The following C10orf67 variants were observed in gnomAD, a reference collection of about 807,000 sequenced individuals.
The protein encoded by C10orf67 is uncharacterized protein C10orf67, mitochondrial.
Under a neutral mutation model 35.6 loss-of-function variants are expected in C10orf67, and 60 were observed. The observed-to-expected ratio is 1.68, with a 90% CI of 1.37 to 2.09. The LOEUF is 2.09. Ranked by LOEUF, C10orf67 falls within the 30% of genes most tolerant of loss-of-function variation. C10orf67 has a pLI of 0.00. For missense variants in C10orf67, 474 were observed against 330.2 expected (o/e 1.44, Z -3.38); for synonymous variants, 167 against 115.8 (o/e 1.44, Z -2.84).
chr10:23,236,256 A>G lies in C10orf67; in HGVS notation c.1434+3473T>C, dbSNP rs1427584791. Among the ~76,000 whole-genome samples, 16 of 35,026 alleles carry G rather than the reference A, an allele frequency of 4.6e-4. No individual in the cohort carries two copies. The South Asian group carries it at 7.1e-3, about 16-fold the overall frequency. 23.0% of individuals were successfully genotyped at this position (35,026 alleles called of 152,430 possible). ...AGAGCGAGACTCCCTCTCGGGGGAA[A>G]AAAAAAAAAAAAAAAAAAAAAAAAA... On this transcript the variant is annotated intron_variant, in intron 13 of 15. Coordinates refer to ENST00000636213, the MANE Select transcript of C10orf67 (RefSeq NM_001371909.1).
Position 23,236,253 on chromosome 10 carries a change from G to GAAAAAAA in C10orf67, c.1434+3469_1434+3475dup, listed in dbSNP as rs368833212. Among the ~76,000 whole-genome samples, 124 of 75,786 alleles carry GAAAAAAA rather than the reference G, an allele frequency of 1.6e-3. 4 individuals are homozygous for GAAAAAAA. The highest frequency in any genetic ancestry group is 6.9e-3 in the African/African-American group (115 of 16,680). 49.7% of individuals were successfully genotyped at this position (75,786 alleles called of 152,430 possible). A position where few individuals can be genotyped will look rare whatever the true frequency, so the allele number is the denominator to read the frequency against. ...GACAGAGCGAGACTCCCTCTCGGGGGAAAAAAAAAAAAAAAAAAAAAAAAA... is the reference window on the plus strand; with the variant it reads ...GACAGAGCGAGACTCCCTCTCGGGGGAAAAAAAAAAAAAAAAAAAAAAAAAAAAAAAA... On this transcript the variant is annotated intron_variant, in intron 13 of 15. Transcript: ENST00000636213.
Position 23,225,394 on chromosome 10 carries a change from A to G in C10orf67, c.1435-1576T>C, listed in dbSNP as rs1223090438. 4.6e-5 allele frequency among the ~76,000 whole-genome samples: 7 copies of G among 152,332 alleles called. No homozygotes were observed. The South Asian group carries it at 1.0e-3, about 23-fold the overall frequency. On this transcript the variant is annotated intron_variant, in intron 13 of 15. Transcript: ENST00000636213. Reference sequence around the variant, plus strand: ...GTGCTAAACATAGAAAGGAACAACCAGTACCAGCCACTGCAAAAACATGCC... The same window carrying G: ...GTGCTAAACATAGAAAGGAACAACCGGTACCAGCCACTGCAAAAACATGCC...
intron 2 of C10orf67, among the ~76,000 whole-genome samples, chr10:23,327,791 C>T (rs1845254716): frequency 6.6e-6 from 1 of 151,018 alleles, no homozygotes; most frequent in African/African-American, 2.4e-5. Flanking sequence ...CACCACTGCA[C>T]TCCAGCCTGG....
chr10:23,341,553 A>T (rs1845885198), intron 1 of C10orf67, among the ~76,000 whole-genome samples: 1 of 152,194 alleles, frequency 6.6e-6, no homozygotes, highest in Admixed American at 6.5e-5. Context: ...GATAAATCAA[A>T]TCATGTCACT....
At chr10:23,211,217 C>A (rs537405748) in intron 15 of C10orf67, among the ~76,000 whole-genome samples, 1 of 152,154 alleles carries the variant, frequency 6.6e-6, no homozygotes, top group East Asian at 1.9e-4. Flanking sequence ...TCGTGGCCAC[C>A]AATCCTTGGC....
chr10:23,295,373 G>A (rs1397069550), intron 5 of C10orf67, among the ~76,000 whole-genome samples: 2 of 152,212 alleles, frequency 1.3e-5, no homozygotes, highest in Non-Finnish European at 2.9e-5. Flanking sequence ...AAAGTTAGAG[G>A]TGTAAATATT....
chr10:23,305,376 G>C (rs895830773), intron 4 of C10orf67, among the ~76,000 whole-genome samples: 3 of 152,196 alleles, frequency 2.0e-5, no homozygotes, highest in African/African-American at 7.2e-5. Context: ...GGTGGCTTGT[G>C]TCTATAATCC....
intron 15 of C10orf67, among the ~76,000 whole-genome samples, chr10:23,220,712 G>T (rs1233746088): frequency 6.6e-6 from 1 of 152,148 alleles, no homozygotes; most frequent in African/African-American, 2.4e-5. Flanking sequence ...TCTGTAAAAT[G>T]GGGGAAAGCA....
At chr10:23,299,702 G>A (rs966226187) in intron 5 of C10orf67, among the ~76,000 whole-genome samples, 3 of 152,170 alleles carry the variant, frequency 2.0e-5, no homozygotes, top group African/African-American at 7.2e-5. Context: ...AAGGGGGCGG[G>A]TGCAGTGGCT....
chr10:23,221,163 G>A (rs927775388), intron 15 of C10orf67, among the ~76,000 whole-genome samples: 3 of 152,192 alleles, frequency 2.0e-5, no homozygotes, highest in Non-Finnish European at 4.4e-5. Flanking sequence ...TGGCTAGGAG[G>A]TGTCAGGAAA....
intron 10 of C10orf67, among the ~76,000 whole-genome samples, chr10:23,257,912 C>T (rs1006952630): frequency 6.6e-5 from 10 of 151,992 alleles, no homozygotes; most frequent in African/African-American, 2.4e-4. Context: ...TCATACACAT[C>T]CCCCCCACAC....
intron 10 of C10orf67, among the ~76,000 whole-genome samples, chr10:23,255,027 A>G (rs1842565008): frequency 6.6e-6 from 1 of 152,302 alleles, no homozygotes; most frequent in East Asian, 1.9e-4. Flanking sequence ...CTTTCATATT[A>G]ACATTTTTTA....
At chr10:23,297,798 G>C (rs1262228044) in intron 5 of C10orf67, among the ~76,000 whole-genome samples, 1 of 152,220 alleles carries the variant, frequency 6.6e-6, no homozygotes, top group African/African-American at 2.4e-5. Context: ...TCAAGTAATA[G>C]AGCCTGATAT....
rs1222690287 is a variant in C10orf67 at position 23,267,233 on chromosome 10, T to C, written c.997A>G (p.Lys333Glu). Residue 333 changes from lysine (K) to glutamate (E), a missense_variant, in exon 9 of 16, where the codon AAG becomes GAG. Lys to Glu is a moderately conservative substitution (Grantham distance 56). Transcript: ENST00000636213. ...CTGCCATACTTTTTTCTCATTTCCT[T>C]GTCCTCTTTCTGTTTATTAATCTGT... ...QDVINKQKED[K>E]EMRKKYGSLS... 5 of 716,284 alleles carry C rather than the reference T, an allele frequency of 7.0e-6. No homozygotes were observed. Among genetic ancestry groups the C allele is most frequent in the African/African-American group, 1.7e-5 (1 of 57,352 alleles). 44.4% of individuals were successfully genotyped at this position (716,284 alleles called of 1,614,324 possible). A position where few individuals can be genotyped will look rare whatever the true frequency, so the allele number is the denominator to read the frequency against.
chr10:23,303,385 T>G lies in C10orf67; in HGVS notation c.621A>C (p.Arg207Ser), dbSNP rs1844159218. The change falls in exon 5 of 16, where the codon AGA (arginine) becomes AGC (serine). Residue 207 changes from arginine (R) to serine (S), a missense_variant. Arg to Ser is a moderately radical substitution (Grantham distance 110). Transcript: ENST00000636213. ...ASTVKTNILLRKLKEKEEVIK... is the reference protein window; with the variant it reads ...ASTVKTNILLSKLKEKEEVIK... ...TAACTTCTTCTTTCTCTTTCAGTTTTCTTAACAAAATATTTGTTTTGACAG... is the reference window on the plus strand; with the variant it reads ...TAACTTCTTCTTTCTCTTTCAGTTTGCTTAACAAAATATTTGTTTTGACAG... The G allele has an allele frequency of 1.5e-6, 1 of 657,532 alleles. No individual in the cohort carries two copies. The highest frequency in any genetic ancestry group is 1.8e-5 in the African/African-American group (1 of 54,728). 40.7% of individuals were successfully genotyped at this position (657,532 alleles called of 1,614,324 possible).
intron 15 of C10orf67, among the ~76,000 whole-genome samples, chr10:23,223,388 A>T (rs1228418129): frequency 6.6e-6 from 1 of 152,096 alleles, no homozygotes; most frequent in Admixed American, 6.6e-5. Context: ...GCATAGATTG[A>T]TTTTCAATTA....
At chr10:23,296,720 C>T (rs138117496) in intron 5 of C10orf67, among the ~76,000 whole-genome samples, 31 of 152,246 alleles carry the variant, frequency 2.0e-4, no homozygotes, top group African/African-American at 7.0e-4. Context: ...AGATCTTAGT[C>T]ACAGACTGCA....
At chr10:23,219,379 T>G (rs1177075012) in intron 15 of C10orf67, among the ~76,000 whole-genome samples, 1 of 152,176 alleles carries the variant, frequency 6.6e-6, no homozygotes, top group Non-Finnish European at 1.5e-5. Flanking sequence ...TTTCCAAAGA[T>G]TACAATGTCA....
At chr10:23,221,342 C>G (rs1259368842) in intron 15 of C10orf67, among the ~76,000 whole-genome samples, 1 of 152,146 alleles carries the variant, frequency 6.6e-6, no homozygotes, top group African/African-American at 2.4e-5. Flanking sequence ...ATCCAATCAC[C>G]TCCCACCAGG....
Sources: gnomAD v4.1 joint callset for allele counts (sites outside exome capture counted in the v4.1 genomes callset) on GRCh38, gnomAD v4.1.1 for gene constraint, MANE v1.5 for transcripts, NCBI Gene and HGNC (gene_info 2026-07-23, HGNC 2026-07-21) for gene names.